The following SLC10A6 variants were observed in gnomAD, a reference collection of about 807,000 sequenced individuals.
SLC10A6 encodes the protein solute carrier family 10 member 6.
SLC10A6 carries 27 observed loss-of-function variants against 30.0 expected under a neutral mutation model. The observed-to-expected ratio is 0.90, with a 90% CI of 0.66 to 1.24. The LOEUF (loss-of-function observed/expected upper bound fraction) is 1.24. Ranked by LOEUF, SLC10A6 falls within the 50% of genes most tolerant of loss-of-function variation. The pLI, the probability that SLC10A6 is intolerant of heterozygous loss-of-function variation, is 0.00. For synonymous variants in SLC10A6, 166 were observed against 173.8 expected, an observed-to-expected ratio of 0.95 and a Z score of 0.36; for missense variants, 439 against 457.0, an observed-to-expected ratio of 0.96 and a Z score of 0.36.
intron 1 of SLC10A6, among the ~76,000 whole-genome samples, chr4:86,838,950 A>T (rs6531935): frequency 6.8e-6 from 1 of 147,504 alleles, no homozygotes; most frequent in African/African-American, 2.5e-5. Context: ...TGCTCTTCCC[A>T]GACAAAAGCA....
chr4:86,839,755 G>A (rs1746259149), intron 1 of SLC10A6, among the ~76,000 whole-genome samples: 1 of 151,992 alleles, frequency 6.6e-6, no homozygotes, highest in Non-Finnish European at 1.5e-5. Flanking sequence ...CTATGTAAAA[G>A]TCTGTGTTTT....
chr4:86,847,201 A>T (rs1241975439), intron 1 of SLC10A6, among the ~76,000 whole-genome samples: 1 of 152,152 alleles, frequency 6.6e-6, no homozygotes, highest in African/African-American at 2.4e-5. Context: ...CTGAATCACA[A>T]TTTTCTCAGC....
intron 1 of SLC10A6, among the ~76,000 whole-genome samples, chr4:86,836,916 C>A (rs564024475): frequency 6.6e-6 from 1 of 152,020 alleles, no homozygotes; most frequent in South Asian, 2.1e-4. Flanking sequence ...CACCACCACA[C>A]CCAGGTAATT....
rs1177865762 is a variant in SLC10A6 at position 86,833,233 on chromosome 4, T to C, written c.496+73A>G. On this transcript the variant is annotated intron_variant, in intron 2 of 5. Coordinates refer to ENST00000273905, the MANE Select transcript of SLC10A6 (RefSeq NM_197965.3). Reference sequence around the variant, plus strand: ...AAAAAAATCCCTGCATAAAGAGTTATATAATTAAGAACAGCTATTATTAGT... The same window carrying C: ...AAAAAAATCCCTGCATAAAGAGTTACATAATTAAGAACAGCTATTATTAGT... The C allele has an allele frequency of 1.3e-5, 15 of 1,194,070 alleles. 1 individual carries two copies. In the Middle Eastern group the frequency reaches 7.9e-4, roughly 63 times the overall value. The allele number at this position is 1,194,070 out of a possible 1,614,324, so 74.0% of individuals were successfully genotyped here.
Position 86,823,646 on chromosome 4 carries a change from C to T in SLC10A6, c.*42G>A, listed in dbSNP as rs749598145. On this transcript the variant is annotated 3_prime_UTR_variant, in exon 6 of 6. Transcript: ENST00000273905. The stretch of plus-strand genomic sequence containing the variant: ...GTCAGCTGCACACTGTCTTTACTGG[C>T]CACTGAAAAAGAAGGGGGCCAGTCC... The T allele has an allele frequency of 1.3e-6, 2 of 1,500,652 alleles. No homozygotes were observed. The highest frequency in any genetic ancestry group is 2.1e-5 in the Admixed American group (1 of 47,674). The allele number at this position is 1,500,652 out of a possible 1,614,324, so 93.0% of individuals were successfully genotyped here.
At chr4:86,842,722 G>T (rs1287504965) in intron 1 of SLC10A6, among the ~76,000 whole-genome samples, 4 of 147,148 alleles carry the variant, frequency 2.7e-5, no homozygotes, top group African/African-American at 7.6e-5. Context: ...GAAAAGAAAA[G>T]AAAAGAAAAG....
chr4:86,824,719 G>T (rs1000909822), intron 5 of SLC10A6, among the ~76,000 whole-genome samples: 1 of 151,810 alleles, frequency 6.6e-6, no homozygotes, highest in Non-Finnish European at 1.5e-5. Context: ...TTCAACCTTC[G>T]CCCCCTCCCT....
intron 1 of SLC10A6, among the ~76,000 whole-genome samples, chr4:86,844,944 G>A (rs1031261587): frequency 6.6e-6 from 1 of 152,064 alleles, no homozygotes; most frequent in Non-Finnish European, 1.5e-5. Context: ...AGAACAGCAT[G>A]GGGGAAATCA....
chr4:86,848,631 A>G, intron 1 of SLC10A6, 108 bp downstream of exon 1: 1 of 1,356,022 alleles, frequency 7.4e-7, no homozygotes, highest in Admixed American at 2.3e-5. Flanking sequence ...AACATTTCCC[A>G]CTAGAATCTC....
chr4:86,833,396 C>T lies in SLC10A6; in HGVS notation c.406G>A (p.Ala136Thr), dbSNP rs1156981377. Residue 136 changes from alanine (A) to threonine (T), a missense_variant, in exon 2 of 6, where the codon GCC (alanine) becomes ACC (threonine). Ala to Thr is a moderately conservative substitution (Grantham distance 58, BLOSUM62 0). Transcript: ENST00000273905. The stretch of plus-strand genomic sequence containing the variant: ...CAGAGTGGCATCATTCCCAGGGCGG[C>T]CACGGTGGAACAGGTTGTCATACTG... ...SISMTTCSTV[A>T]ALGMMPLCIY... 2 of 1,613,756 alleles carry T rather than the reference C, an allele frequency of 1.2e-6. No homozygotes were observed. The highest frequency in any genetic ancestry group is 4.5e-5 in the East Asian group (2 of 44,878).
intron 1 of SLC10A6, among the ~76,000 whole-genome samples, chr4:86,837,290 A>AAAGAGAAAGAAAGG (rs1746211407): frequency 1.6e-5 from 1 of 62,736 alleles, no homozygotes; most frequent in South Asian, 5.6e-4. Flanking sequence ...AAAGAAAAAG[A>AAAGAGAAAGAAAGG]AAGGAAGGAA....
intron 5 of SLC10A6, 71 bp downstream of exon 5, chr4:86,825,348 GA>G (rs924473594): frequency 2.8e-5 from 41 of 1,450,750 alleles, no homozygotes; most frequent in South Asian, 7.0e-5. Flanking sequence ...AGTTTGGATT[GA>G]AAAAAAAGTT....
At position 86,842,131 on chromosome 4, in the gene SLC10A6, G is replaced by A. The variant is rs111615359; in HGVS notation, c.377+6608C>T. ...ATGAAGTCTCATGAATTCAGTCTCC[G>A]TTCTGTCTCCAAAGCCTTAAATGCA... On this transcript the variant is annotated intron_variant, in intron 1 of 5. Coordinates refer to ENST00000273905, the MANE Select transcript of SLC10A6 (RefSeq NM_197965.3). Among the ~76,000 whole-genome samples the A allele has an allele frequency of 3.8e-4, 58 of 152,236 alleles. 1 individual carries two copies. Among genetic ancestry groups the A allele is most frequent in the African/African-American group, 1.0e-3 (42 of 41,552 alleles).
intron 1 of SLC10A6, among the ~76,000 whole-genome samples, chr4:86,836,744 A>AT (rs766004384): frequency 6.6e-5 from 10 of 151,956 alleles, no homozygotes; most frequent in African/African-American, 9.7e-5. Flanking sequence ...TTTGTTGCAG[A>AT]TTTTTTGGGG....
chr4:86,831,677 AT>A (rs1746083288), intron 3 of SLC10A6, 114 bp downstream of exon 3: 1 of 813,670 alleles, frequency 1.2e-6, no homozygotes, highest in Non-Finnish European at 2.0e-6. Context: ...TGTAAGAAGA[AT>A]TTCTGGGTGT....
intron 1 of SLC10A6, among the ~76,000 whole-genome samples, chr4:86,843,190 G>A (rs1226270298): frequency 7.0e-6 from 1 of 142,892 alleles, no homozygotes; most frequent in Non-Finnish European, 1.5e-5. Context: ...TTTGAGGGTT[G>A]TTTTTGTAAT....
intron 1 of SLC10A6, among the ~76,000 whole-genome samples, chr4:86,841,140 CACA>C (rs1443022849): frequency 3.3e-5 from 5 of 152,198 alleles, no homozygotes; most frequent in Admixed American, 6.5e-5. Flanking sequence ...GGAGAACCAG[CACA>C]ACATTTCTCT....
At chr4:86,826,746 T>C (rs1001757796) in intron 4 of SLC10A6, among the ~76,000 whole-genome samples, 6 of 152,128 alleles carry the variant, frequency 3.9e-5, no homozygotes, top group African/African-American at 1.2e-4. Flanking sequence ...AAGGAGGGAA[T>C]AGAGGGAAGA....
intron 4 of SLC10A6, 118 bp from the exon 5 acceptor site, chr4:86,825,695 T>C (rs1185753321): frequency 9.2e-7 from 1 of 1,090,518 alleles, no homozygotes; most frequent in African/African-American, 1.6e-5. Flanking sequence ...AAATGTGTAC[T>C]CATTCCATAG....
Sources: gnomAD v4.1 joint callset for allele counts (sites outside exome capture counted in the v4.1 genomes callset) on GRCh38, gnomAD v4.1.1 for gene constraint, MANE v1.5 for transcripts, NCBI Gene and HGNC (gene_info 2026-07-23, HGNC 2026-07-21) for gene names.